The following ABR variants were observed in gnomAD, a reference collection of about 807,000 sequenced individuals.
ABR encodes the protein active breakpoint cluster region-related protein.
A neutral mutation model predicts 107.2 loss-of-function variants in ABR; 35 were observed. The observed-to-expected ratio is 0.33, with a 90% CI of 0.25 to 0.43. The LOEUF is 0.43. ABR is among the 20% of genes least tolerant of loss of function. The probability of loss-of-function intolerance (pLI) is 1.00; values close to 1 mark genes in which losing one functional copy is unlikely to be tolerated. For missense variants in ABR, 815 were observed against 1,115.2 expected (o/e 0.73, Z 3.83); for synonymous variants, 498 against 462.0 (o/e 1.08, Z -1.00).
intron 1 of ABR, among the ~76,000 whole-genome samples, chr17:1,212,540 A>C (rs911057895): frequency 2.6e-5 from 4 of 152,116 alleles, no homozygotes; most frequent in Non-Finnish European, 5.9e-5. Context: ...GGATCATTTG[A>C]GGTCAGGAGC....
At chr17:1,184,750 A>T (rs1468017716), upstream of ABR, among the ~76,000 whole-genome samples, 4 of 150,792 alleles carry the variant, frequency 2.7e-5, no homozygotes, top group East Asian at 7.8e-4. Context: ...GCAGCCTTGA[A>T]CTCCTGGGTT....
At chr17:1,228,353 G>A (rs1465325335) in intron 1 of ABR, 1 of 152,660 alleles carries the variant, frequency 6.6e-6, no homozygotes, top group African/African-American at 2.4e-5. Context: ...GGCCTTCCGC[G>A]GTTAGGAAAG....
At chr17:1,076,725 GGGGT>G (rs2035757749) in intron 6 of ABR, among the ~76,000 whole-genome samples, 5 of 128,808 alleles carry the variant, frequency 3.9e-5, no homozygotes, top group Admixed American at 1.5e-4. Flanking sequence ...GGGGGGGGTG[GGGGT>G]GGGGGGGGTG....
At chr17:1,208,061 G>A (rs376370349) in intron 1 of ABR, among the ~76,000 whole-genome samples, 8 of 152,250 alleles carry the variant, frequency 5.3e-5, no homozygotes, top group African/African-American at 1.4e-4. Context: ...CGGAGCCACC[G>A]CACCTGTCCA....
intron 1 of ABR, among the ~76,000 whole-genome samples, chr17:1,149,940 C>T (rs1381458629): frequency 6.6e-6 from 1 of 152,320 alleles, no homozygotes; most frequent in African/African-American, 2.4e-5. Flanking sequence ...AACATCATCC[C>T]ATGCAGCTTT....
At chr17:1,063,210 GA>G (rs1261273353) in intron 10 of ABR, among the ~76,000 whole-genome samples, 1 of 97,320 alleles carries the variant, frequency 1.0e-5, no homozygotes, top group Non-Finnish European at 2.1e-5. Flanking sequence ...TGTTCCTCTA[GA>G]CACTGTTGTT....
intron 10 of ABR, among the ~76,000 whole-genome samples, chr17:1,065,147 C>A (rs77414081): frequency 7.0e-3 from 100 of 14,236 alleles, no homozygotes; most frequent in Non-Finnish European, 9.0e-3. Context: ...GCTGCTGTTA[C>A]GTGAACTGAG....
Position 1,148,815 on chromosome 17 carries a change from T to C in ABR, c.62-23448A>G, listed in dbSNP as rs1009572080. On this transcript the variant is annotated intron_variant, in intron 1 of 22. Coordinates refer to ENST00000302538, the MANE Select transcript of ABR (RefSeq NM_021962.5). The surrounding 1 kb of genome is among the most constrained non-coding windows in gnomAD (Gnocchi z 4.9). ...CGGTGCTGATGGCCGCACCAGAGTGTGAACGTGCCTCGGGCCACTGATGCG... is the reference window on the plus strand; with the variant it reads ...CGGTGCTGATGGCCGCACCAGAGTGCGAACGTGCCTCGGGCCACTGATGCG... 1.3e-5 allele frequency among the ~76,000 whole-genome samples: 2 copies of C among 152,220 alleles called. No homozygotes were observed. The highest frequency in any genetic ancestry group is 2.9e-5 in the Non-Finnish European group (2 of 68,034).
At chr17:1,022,500 G>C (rs1420609956) in intron 16 of ABR, 1 of 154,400 alleles carries the variant, frequency 6.5e-6, no homozygotes, top group African/African-American at 2.4e-5. Context: ...CCTCGAGGAG[G>C]CGCCGGAGGA....
At chr17:1,158,241 C>A (rs1195140278) in intron 1 of ABR, among the ~76,000 whole-genome samples, 1 of 151,820 alleles carries the variant, frequency 6.6e-6, no homozygotes, top group Non-Finnish European at 1.5e-5. Context: ...TCTTTTTATT[C>A]TTTTTTTAAA....
chr17:1,072,658 C>T lies in ABR; in HGVS notation c.850G>A (p.Asp284Asn), dbSNP rs1041881758. 9 of 1,612,610 alleles carry T rather than the reference C, an allele frequency of 5.6e-6. No homozygotes were observed. The highest frequency in any genetic ancestry group is 7.6e-6 in the Non-Finnish European group (9 of 1,179,454). Residue 284 changes from aspartate to asparagine, a missense_variant, in exon 8 of 23, where the codon GAC (aspartate) becomes AAC (asparagine). Coordinates refer to ENST00000302538, the MANE Select transcript of ABR (RefSeq NM_021962.5). ...ACTGCAGTCCGGCGGGGGTCGATGT[C>T]CTCGTTGATGCTGGACAGGAAGTTC... Reference protein sequence around the residue: ...SQNFLSSINEDIDPRRTAVTT... With the variant: ...SQNFLSSINENIDPRRTAVTT...
intron 16 of ABR, among the ~76,000 whole-genome samples, chr17:1,043,328 C>G (rs886519632): frequency 6.6e-6 from 1 of 152,044 alleles, no homozygotes; most frequent in Non-Finnish European, 1.5e-5. Flanking sequence ...CCACCACGCC[C>G]GGCTAATTTT....
At position 1,009,708 on chromosome 17, in the gene ABR, G is replaced by A. The variant is rs1289737248; in HGVS notation, c.2313C>T (p.Thr771=). Residue 771 remains threonine (T), a synonymous_variant, in exon 21 of 23, where the codon ACC becomes ACT. Transcript: ENST00000302538. The stretch of plus-strand genomic sequence containing the variant: ...TCAAGTGTTCCAGCAGGAAGAGGAA[G>A]GTGATGAGGTTGGGGTCGGGCAGGG... ...LRSLPDPNLI[T]FLFLLEHLKR... The A allele has an allele frequency of 1.2e-6, 2 of 1,613,968 alleles. No individual in the cohort carries two copies. Among genetic ancestry groups the A allele is most frequent in the East Asian group, 4.5e-5 (2 of 44,890 alleles).
chr17:1,075,047 A>G (rs1419158722), intron 6 of ABR, among the ~76,000 whole-genome samples: 2 of 152,242 alleles, frequency 1.3e-5, no homozygotes, highest in Non-Finnish European at 2.9e-5. Context: ...GAGAGCCCCA[A>G]AGAGGCTGGG....
chr17:1,049,373 G>A (rs554017516), intron 16 of ABR, among the ~76,000 whole-genome samples: 2 of 152,100 alleles, frequency 1.3e-5, no homozygotes, highest in African/African-American at 2.4e-5. Context: ...TCGCCATGTT[G>A]GCCAGGCTGG....
Position 1,179,542 on chromosome 17 carries a change from G to A in ABR, c.61+125C>T, listed in dbSNP as rs984423506. The A allele has an allele frequency of 9.8e-7, 1 of 1,015,560 alleles. No homozygotes were observed. Among genetic ancestry groups the A allele is most frequent in the South Asian group, 2.3e-5 (1 of 42,804 alleles). The allele number at this position is 1,015,560 out of a possible 1,614,324, so 62.9% of individuals were successfully genotyped here. ...GATCTCGCCCCCGCCCGCGCTCCCCGGACCAGCCCGGTGCCTGGGTCCCGA... is the reference window on the plus strand; with the variant it reads ...GATCTCGCCCCCGCCCGCGCTCCCCAGACCAGCCCGGTGCCTGGGTCCCGA... On this transcript the variant is annotated intron_variant, in intron 1 of 22. Coordinates refer to ENST00000302538, the MANE Select transcript of ABR (RefSeq NM_021962.5). This position sits in a 1 kb window ranked among gnomAD's most constrained non-coding sequence, Gnocchi z 4.9.
intron 9 of ABR, among the ~76,000 whole-genome samples, chr17:1,069,264 G>A (rs62067873): frequency 0.11 from 16,083 of 152,098 alleles, 1,111 homozygotes; most frequent in Non-Finnish European, 0.16. Flanking sequence ...AGTGGGGGAC[G>A]GGGTTTCCTC....
At chr17:1,139,931 A>C (rs1459965158) in intron 1 of ABR, among the ~76,000 whole-genome samples, 1 of 152,152 alleles carries the variant, frequency 6.6e-6, no homozygotes, top group Non-Finnish European at 1.5e-5. Context: ...AGGACGCAGG[A>C]GGTTGGCCCT....
rs149647281 is a variant in ABR, at chr17:1,069,360, T to C, written c.1016+609A>G. ...TGTAGTGAAATTAAGTTAATTAATA[T>C]AGTTTTTAAAAGGAAAAAACCGGCC... On this transcript the variant is annotated intron_variant, in intron 9 of 22. Coordinates refer to ENST00000302538, the MANE Select transcript of ABR (RefSeq NM_021962.5). Among the ~76,000 whole-genome samples, 3 of 152,324 alleles carry C rather than the reference T, an allele frequency of 2.0e-5. No homozygotes were observed. In the East Asian group the frequency reaches 5.8e-4, roughly 29 times the overall value.
Sources: gnomAD v4.1 joint callset for allele counts (sites outside exome capture counted in the v4.1 genomes callset) on GRCh38, gnomAD v4.1.1 for gene constraint, Gnocchi (gnomAD v3.1) non-coding constraint, MANE v1.5 for transcripts, NCBI Gene and HGNC (gene_info 2026-07-23, HGNC 2026-07-21) for gene names.